The following FBXO41 variants were observed in gnomAD, a reference collection of about 807,000 sequenced individuals.
FBXO41 encodes F-box protein 41.
FBXO41 carries 33 observed loss-of-function variants against 81.6 expected under a neutral mutation model. The observed-to-expected ratio is 0.40, with a 90% CI of 0.31 to 0.54. The LOEUF is 0.54. Among genes scored for constraint, FBXO41 ranks in the 20% least tolerant of loss-of-function variants. The pLI is 0.39. For synonymous variants in FBXO41, 576 were observed against 552.7 expected (o/e 1.04, Z -0.59); for missense variants, 1,107 against 1,236.0 (o/e 0.90, Z 1.56).
In FBXO41 at chr2:73,266,488, G is replaced by A; in HGVS notation, c.1100C>T (p.Ala367Val). The A allele has an allele frequency of 2.5e-6, 4 of 1,569,082 alleles. No individual in the cohort carries two copies. The highest frequency in any genetic ancestry group is 3.5e-6 in the Non-Finnish European group (4 of 1,157,394). ...GCCTGGGCCCCGGGCATTGGGTCCA[G>A]CACCACCGCCCCCACCTCCACGGCC... ...SLGRGGGGGG[A>V]GPNARGPGRM... is the part of the protein sequence containing the mutation. Residue 367 changes from alanine to valine, a missense_variant, in exon 3 of 13, where the codon GCT becomes GTT. Coordinates refer to ENST00000520530, the MANE Select transcript of FBXO41 (RefSeq NM_001371389.2). This position sits in a 1 kb window ranked among gnomAD's most constrained non-coding sequence, Gnocchi z 5.3.
rs1688146623 is a variant in FBXO41 at position 73,264,397 on chromosome 2, A to G, written c.1687T>C (p.Tyr563His). 6.2e-7 allele frequency: 1 copy of G among 1,613,768 alleles called. No homozygotes were observed. The highest frequency in any genetic ancestry group is 8.5e-7 in the Non-Finnish European group (1 of 1,179,900). ...MRAALFCIFTYLDTRTLLHAA... is the reference protein window; with the variant it reads ...MRAALFCIFTHLDTRTLLHAA... The stretch of plus-strand genomic sequence containing the variant: ...TGCAGCAGTGTGCGCGTGTCCAGGT[A>G]GGTGAAGATGCAGAAGAGGGCAGCT... Residue 563 changes from tyrosine (Y) to histidine (H), a missense_variant, in exon 6 of 13, where the codon TAC (tyrosine) becomes CAC (histidine). Coordinates refer to ENST00000520530, the MANE Select transcript of FBXO41 (RefSeq NM_001371389.2).
chr2:73,265,799 T>C (rs767375317), intron 4 of FBXO41, 94 bp downstream of exon 4: 192 of 1,466,500 alleles, frequency 1.3e-4, no homozygotes, highest in Non-Finnish European at 1.7e-4. Flanking sequence ...CCAGGGAGGG[T>C]AGGGGCAGGA....
In FBXO41 at chr2:73,264,328, G is replaced by A; in HGVS notation, c.1756C>T (p.Pro586Ser). ...AGCAGCACCCTTGTCCAGACTGCGG[G>A]GTGGCGGGCCACGAAGCGCCAGTCC... is the stretch of plus-strand genomic sequence containing the variant. The part of the protein sequence containing the change: ...CRDWRFVARH[P>S]AVWTRVLLEN... The change falls in exon 6 of 13, where the codon CCC (proline) becomes TCC (serine). Residue 586 changes from proline (P) to serine (S), a missense_variant. Pro to Ser is a moderately conservative substitution (Grantham distance 74). This residue lies in a region of FBXO41 where 336 missense variants were observed against 446.7 expected (regional missense o/e 0.75). Coordinates refer to ENST00000520530, the MANE Select transcript of FBXO41 (RefSeq NM_001371389.2). 1 of 1,613,660 alleles carries A rather than the reference G, an allele frequency of 6.2e-7. No individual in the cohort carries two copies. The highest frequency in any genetic ancestry group is 8.5e-7 in the Non-Finnish European group (1 of 1,179,894).
In FBXO41 at chr2:73,266,571, G is replaced by C. The variant is rs539511933; in HGVS notation, c.1017C>G (p.Ala339=). The C allele has an allele frequency of 2.5e-6, 4 of 1,610,640 alleles. No homozygotes were observed. The highest frequency in any genetic ancestry group is 1.7e-5 in the Admixed American group (1 of 59,878). The part of the protein sequence containing the change: ...IEELLERADR[A]ERQLQVISSS... ...TGCTGATGACCTGCAGCTGCCGCTC[G>C]GCACGGTCAGCCCGCTCAAGGAGCT... is the stretch of plus-strand genomic sequence containing the variant. The change falls in exon 3 of 13, where the codon GCC becomes GCG. Residue 339 remains alanine (A), a synonymous_variant. Transcript: ENST00000520530. The surrounding 1 kb of genome is among the most constrained non-coding windows in gnomAD (Gnocchi z 5.3).
Position 73,265,875 on chromosome 2 carries a change from G to A in FBXO41, c.1205+18C>T, listed in dbSNP as rs1296640250. ...GGTGAGGGTGGGCTGCATGGGGTGG[G>A]CTGGGCCCAAGGCTTACCCTGTGCT... is the stretch of plus-strand genomic sequence containing the variant. On this transcript the variant is annotated intron_variant, in intron 4 of 12. Coordinates refer to ENST00000520530, the MANE Select transcript of FBXO41 (RefSeq NM_001371389.2). The A allele has an allele frequency of 1.9e-6, 3 of 1,573,288 alleles. No individual in the cohort carries two copies. The highest frequency in any genetic ancestry group is 2.3e-5 in the East Asian group (1 of 42,756).
Position 73,269,230 on chromosome 2 carries a change from T to A in FBXO41, c.401A>T (p.Glu134Val). Reference protein sequence around the residue: ...PASLPCEELAEPGLVPAAAAR... With the variant: ...PASLPCEELAVPGLVPAAAAR... ...TGCTGCGGCGGGCACAAGGCCCGGC[T>A]CGGCCAACTCCTCACAGGGCAGGCT... The change falls in exon 2 of 13, where the codon GAG (glutamate) becomes GTG (valine). Residue 134 changes from glutamate (E) to valine (V), a missense_variant. Transcript: ENST00000520530. The surrounding 1 kb of genome is among the most constrained non-coding windows in gnomAD (Gnocchi z 7.0). 1 of 1,526,000 alleles carries A rather than the reference T, an allele frequency of 6.6e-7. No homozygotes were observed. Among genetic ancestry groups the A allele is most frequent in the Non-Finnish European group, 8.8e-7 (1 of 1,138,022 alleles). 94.5% of individuals were successfully genotyped at this position (1,526,000 alleles called of 1,614,324 possible).
At position 73,260,762 on chromosome 2, in the gene FBXO41, C is replaced by T. The variant is rs1226457130; in HGVS notation, c.2268G>A (p.Gly756=). Reference sequence around the variant, plus strand: ...CACCGAGTGATGCCAGGCCCTGCACCCCACAGCCGGCACCCCCGACCCCCA... The same window carrying T: ...CACCGAGTGATGCCAGGCCCTGCACTCCACAGCCGGCACCCCCGACCCCCA... ...RALGVGGAGC[G]VQGLASLARN... Residue 756 remains glycine, a synonymous_variant, in exon 10 of 13, where the codon GGG becomes GGA. Coordinates refer to ENST00000520530, the MANE Select transcript of FBXO41 (RefSeq NM_001371389.2). This position sits in a 1 kb window ranked among gnomAD's most constrained non-coding sequence, Gnocchi z 5.0. 6.4e-7 allele frequency: 1 copy of T among 1,555,348 alleles called. No homozygotes were observed. The highest frequency in any genetic ancestry group is 8.7e-7 in the Non-Finnish European group (1 of 1,148,472).
At chr2:73,268,659 G>T in intron 2 of FBXO41, 67 bp downstream of exon 2, 1 of 1,373,274 alleles carries the variant, frequency 7.3e-7, no homozygotes, top group Non-Finnish European at 9.7e-7. Flanking sequence ...GCACGCCCAC[G>T]GTGGTGGTGG....
rs895210818 is a variant in FBXO41, at chr2:73,255,441, G to C, written c.*3541C>G. The C allele has an allele frequency of 2.0e-5, 3 of 153,114 alleles. No individual in the cohort carries two copies. The highest frequency in any genetic ancestry group is 4.4e-5 in the Non-Finnish European group (3 of 68,312). The allele number at this position is 153,114 out of a possible 1,614,324, so 9.5% of individuals were successfully genotyped here. ...GAAATGCAGGCCGGGCACAAGGCTG[G>C]GTGAGAAAGCATGGCCACTGGGTTG... On this transcript the variant is annotated 3_prime_UTR_variant, in exon 13 of 13. Transcript: ENST00000520530.
chr2:73,271,501 G>A (rs537188875), intron 1 of FBXO41: 1 of 153,044 alleles, frequency 6.5e-6, no homozygotes, highest in African/African-American at 2.4e-5. Context: ...CTCCTTTTGG[G>A]AGGAGACACC....
intron 8 of FBXO41, 67 bp from the exon 9 acceptor site, chr2:73,263,375 G>C: frequency 7.8e-7 from 1 of 1,279,516 alleles, no homozygotes. Flanking sequence ...AACACTTTGG[G>C]AGGTCAAGGC....
chr2:73,275,189 C>CT (rs778157708), intron 1 of FBXO41, among the ~76,000 whole-genome samples: 5 of 148,998 alleles, frequency 3.4e-5, no homozygotes, highest in Admixed American at 6.7e-5. Flanking sequence ...GCGCCCGGCC[C>CT]TTTTTTTTAA....
Position 73,260,549 on chromosome 2 carries a change from T to C in FBXO41, c.2291-2A>G. 1 of 1,586,556 alleles carries C rather than the reference T, an allele frequency of 6.3e-7. No homozygotes were observed. On this transcript the variant is annotated splice_acceptor_variant, in intron 10 of 12. Coordinates refer to ENST00000520530, the MANE Select transcript of FBXO41 (RefSeq NM_001371389.2). LOFTEE classifies it high-confidence loss of function. The surrounding 1 kb of genome is among the most constrained non-coding windows in gnomAD (Gnocchi z 5.0). ...CCTGCAGCCGCATGCAGTTTCTCGCTAGGAAGAGGAAGAAGGGGGATCCTG... is the reference window on the plus strand; with the variant it reads ...CCTGCAGCCGCATGCAGTTTCTCGCCAGGAAGAGGAAGAAGGGGGATCCTG...
intron 1 of FBXO41, among the ~76,000 whole-genome samples, chr2:73,276,349 G>A (rs1047303854): frequency 6.6e-6 from 1 of 151,646 alleles, no homozygotes; most frequent in African/African-American, 2.4e-5. Context: ...GGTGGAGGTT[G>A]CAATGAGCCA....
chr2:73,256,053 G>A lies in FBXO41; in HGVS notation c.*2929C>T, dbSNP rs1687799660. On this transcript the variant is annotated 3_prime_UTR_variant, in exon 13 of 13. Coordinates refer to ENST00000520530, the MANE Select transcript of FBXO41 (RefSeq NM_001371389.2). ...ATAAAGCATGAAGTACTTAAGCCAA[G>A]TACACCAACCTCCCAGGTAGGTACT... The A allele has an allele frequency of 6.6e-6, 1 of 152,172 alleles. No homozygotes were observed. Among genetic ancestry groups the A allele is most frequent in the Admixed American group, 6.5e-5 (1 of 15,274 alleles). The allele number at this position is 152,172 out of a possible 1,614,324, so 9.4% of individuals were successfully genotyped here. A position where few individuals can be genotyped will look rare whatever the true frequency, so the allele number is the denominator to read the frequency against.
Position 73,266,375 on chromosome 2 carries a change from G to A in FBXO41, c.1131+82C>T. 7.2e-7 allele frequency: 1 copy of A among 1,391,670 alleles called. No homozygotes were observed. Among genetic ancestry groups the A allele is most frequent in the Admixed American group, 2.9e-5 (1 of 34,454 alleles). The allele number at this position is 1,391,670 out of a possible 1,614,324, so 86.2% of individuals were successfully genotyped here. A position where few individuals can be genotyped will look rare whatever the true frequency, so the allele number is the denominator to read the frequency against. On this transcript the variant is annotated intron_variant, in intron 3 of 12. Coordinates refer to ENST00000520530, the MANE Select transcript of FBXO41 (RefSeq NM_001371389.2). The surrounding 1 kb of genome is among the most constrained non-coding windows in gnomAD (Gnocchi z 5.3). ...AGAAGGGGCGAATGCGGCATCATGG[G>A]GGAGATGTCCAGCCATGTGAAAGGT...
chr2:73,262,626 T>C (rs148967143), intron 9 of FBXO41, among the ~76,000 whole-genome samples: 57 of 152,382 alleles, frequency 3.7e-4, no homozygotes, highest in African/African-American at 1.3e-3. Context: ...CTAAGGTCCA[T>C]AGTTCCTAAT....
chr2:73,261,740 C>G (rs1688029097), intron 9 of FBXO41, among the ~76,000 whole-genome samples: 1 of 152,198 alleles, frequency 6.6e-6, no homozygotes, highest in South Asian at 2.1e-4. Context: ...CCTGATTGCC[C>G]CAACTTTCCT....
In FBXO41 at chr2:73,263,568, T is replaced by C. The variant is rs894401340; in HGVS notation, c.2075+110A>G. 5.7e-6 allele frequency: 8 copies of C among 1,396,756 alleles called. No individual in the cohort carries two copies. In the African/African-American group the frequency reaches 1.1e-4, roughly 20 times the overall value. 86.5% of individuals were successfully genotyped at this position (1,396,756 alleles called of 1,614,324 possible). A position where few individuals can be genotyped will look rare whatever the true frequency, so the allele number is the denominator to read the frequency against. ...GCTTCCTTTCCTTCAGCCATAGAGC[T>C]CTTGGATCCCTTTGCTTGAGAACCC... On this transcript the variant is annotated intron_variant, in intron 8 of 12. Transcript: ENST00000520530.
Sources: allele counts gnomAD v4.1 joint callset (sites outside exome capture counted in the v4.1 genomes callset), GRCh38; gene constraint gnomAD v4.1.1; regional missense constraint gnomAD v4.1.1; non-coding constraint Gnocchi (gnomAD v3.1); transcripts MANE v1.5; gene names NCBI Gene and HGNC (gene_info 2026-07-23, HGNC 2026-07-21).